Variants in PDE3A observed in about 807,000 individuals in gnomAD.
PDE3A encodes the protein phosphodiesterase 3A, also known as cGMP-inhibited 3',5'-cyclic phosphodiesterase 3A.
PDE3A carries 43 observed loss-of-function variants against 98.3 expected under a neutral mutation model. The ratio of observed to expected loss-of-function variants is 0.44; its 90% CI spans 0.34 to 0.56. The LOEUF is 0.56. Ranked by LOEUF, PDE3A falls within the 20% of genes least tolerant of loss-of-function variation. PDE3A has a pLI of 0.01. For synonymous variants in PDE3A, 663 were observed against 567.9 expected (o/e 1.17, Z -2.38); for missense variants, 1,427 against 1,440.7 (o/e 0.99, Z 0.15).
chr12:20,676,040 T>C (rs1333806595), intron 15 of PDE3A, among the ~76,000 whole-genome samples: 1 of 152,176 alleles, frequency 6.6e-6, no homozygotes, highest in East Asian at 1.9e-4. Context: ...ATAATTGTTA[T>C]GTATATCTTT....
rs1279867653 is a variant in PDE3A at position 20,369,991 on chromosome 12, G to A, written c.707G>A (p.Trp236Ter). 1 of 1,613,256 alleles carries A rather than the reference G, an allele frequency of 6.2e-7. No homozygotes were observed. The stretch of plus-strand genomic sequence containing the variant: ...TCCTTAGAGAGGTTCAAGGTCGCCT[G>A]GAGACCTTACCTGGCGTACCTGGCC... ...LISLERFKVA[W>*]RPYLAYLAGV... is the part of the protein sequence containing the mutation. Residue 236 changes from tryptophan to a stop codon, truncating the protein, a stop_gained, in exon 1 of 16, where the codon TGG becomes TAG. Transcript: ENST00000359062. LOFTEE classifies it high-confidence loss of function.
chr12:20,532,967 C>T (rs1464877596), intron 1 of PDE3A, among the ~76,000 whole-genome samples: 2 of 152,268 alleles, frequency 1.3e-5, no homozygotes, highest in East Asian at 1.9e-4. Flanking sequence ...TGAGCCACCG[C>T]GCCCGGCCAG....
intron 1 of PDE3A, among the ~76,000 whole-genome samples, chr12:20,424,583 A>G (rs1944574155): frequency 6.6e-6 from 1 of 152,182 alleles, no homozygotes; most frequent in Non-Finnish European, 1.5e-5. Flanking sequence ...ATGTAAAGCA[A>G]AACAAATATT....
chr12:20,512,262 A>C (rs1946241015), intron 1 of PDE3A, among the ~76,000 whole-genome samples: 1 of 152,044 alleles, frequency 6.6e-6, no homozygotes, highest in African/African-American at 2.4e-5. Flanking sequence ...GGGCTAGTGG[A>C]GGGGGCACAG....
chr12:20,601,869 A>C (rs964635640), intron 2 of PDE3A, among the ~76,000 whole-genome samples: 19 of 152,294 alleles, frequency 1.2e-4, no homozygotes, highest in African/African-American at 4.3e-4. Context: ...AAAAGGCAGA[A>C]TACTGCCATC....
intron 2 of PDE3A, among the ~76,000 whole-genome samples, chr12:20,585,582 G>A (rs1015376280): frequency 6.6e-6 from 1 of 152,084 alleles, no homozygotes; most frequent in African/African-American, 2.4e-5. Flanking sequence ...ACTTCTGTGA[G>A]TCTGAATCTC....
chr12:20,489,026 T>G (rs1945782355), intron 1 of PDE3A, among the ~76,000 whole-genome samples: 1 of 152,196 alleles, frequency 6.6e-6, no homozygotes, highest in Admixed American at 6.5e-5. Flanking sequence ...ATAATTCTTC[T>G]GGAATACATC....
chr12:20,531,550 G>A (rs565576117), intron 1 of PDE3A, among the ~76,000 whole-genome samples: 2 of 152,060 alleles, frequency 1.3e-5, no homozygotes, highest in Non-Finnish European at 2.9e-5. Flanking sequence ...GACGGTAGTT[G>A]TGATAAGACA....
At chr12:20,380,043 A>G (rs1943636558) in intron 1 of PDE3A, among the ~76,000 whole-genome samples, 2 of 151,846 alleles carry the variant, frequency 1.3e-5, no homozygotes, top group South Asian at 2.1e-4. Context: ...ATTGAGAGAG[A>G]ACAAACTCTG....
rs536844865 is a variant in PDE3A, at chr12:20,618,561, C to T, written c.1424+2177C>T. ...ACACTGGACTGAGAATCTGAAGGGT[C>T]TTGGCCCTACCAACCACTCAGAAAT... On this transcript the variant is annotated intron_variant, in intron 4 of 15. Transcript: ENST00000359062. Among the ~76,000 whole-genome samples, 12 of 152,148 alleles carry T rather than the reference C, an allele frequency of 7.9e-5. No individual in the cohort carries two copies. In the East Asian group the frequency reaches 2.1e-3, roughly 27 times the overall value.
intron 15 of PDE3A, among the ~76,000 whole-genome samples, chr12:20,672,872 T>C (rs1256695214): frequency 1.5e-5 from 2 of 137,240 alleles, no homozygotes; most frequent in African/African-American, 2.8e-5. Context: ...ACTAAAGAGC[T>C]TCTGCACAGC....
intron 1 of PDE3A, among the ~76,000 whole-genome samples, chr12:20,392,506 CATAA>C (rs549745332): frequency 8.6e-4 from 99 of 115,090 alleles, no homozygotes; most frequent in African/African-American, 2.3e-3. Flanking sequence ...GATCCTGTCT[CATAA>C]ATAAATAAAT....
At chr12:20,617,920 C>G (rs1422233841) in intron 4 of PDE3A, among the ~76,000 whole-genome samples, 1 of 151,966 alleles carries the variant, frequency 6.6e-6, no homozygotes, top group Non-Finnish European at 1.5e-5. Context: ...AACTTAACGC[C>G]CAAGGATCTT....
rs1276299119 is a variant in PDE3A, at chr12:20,686,431, C to G, written c.*6160C>G. Among the ~76,000 whole-genome samples, 14 of 152,162 alleles carry G rather than the reference C, an allele frequency of 9.2e-5. No individual in the cohort carries two copies. The highest frequency in any genetic ancestry group is 9.2e-4 in the Admixed American group (14 of 15,264). ...TAAACCTTACTAATCTTGACTTTCA[C>G]AGATGAAACACTGACCAGTCAATAA... On this transcript the variant is annotated 3_prime_UTR_variant, in exon 16 of 16. Coordinates refer to ENST00000359062, the MANE Select transcript of PDE3A (RefSeq NM_000921.5).
At chr12:20,561,791 A>C (rs2121286761) in intron 2 of PDE3A, among the ~76,000 whole-genome samples, 1 of 152,326 alleles carries the variant, frequency 6.6e-6, no homozygotes, top group East Asian at 1.9e-4. Context: ...ATTCATATCA[A>C]ATACTTGTCC....
chr12:20,477,538 C>T (rs896118313), intron 1 of PDE3A, among the ~76,000 whole-genome samples: 7 of 151,898 alleles, frequency 4.6e-5, no homozygotes, highest in Non-Finnish European at 7.4e-5. Flanking sequence ...ATGTTAAGGC[C>T]GTAAGTCAAA....
chr12:20,520,580 T>C (rs1358895235), intron 1 of PDE3A, among the ~76,000 whole-genome samples: 1 of 152,186 alleles, frequency 6.6e-6, no homozygotes, highest in Non-Finnish European at 1.5e-5. Context: ...GATTTTGCTA[T>C]ATTGTGTTTT....
chr12:20,668,183 G>C (rs1171908469), intron 15 of PDE3A, among the ~76,000 whole-genome samples: 2 of 152,198 alleles, frequency 1.3e-5, no homozygotes, highest in Non-Finnish European at 2.9e-5. Context: ...TCCCGCACCT[G>C]GCTTGGAGGG....
rs748989285 is a variant in PDE3A, at chr12:20,370,154, G to A, written c.870G>A (p.Arg290=). Residue 290 remains arginine, a synonymous_variant, in exon 1 of 16, where the codon AGG becomes AGA. Coordinates refer to ENST00000359062, the MANE Select transcript of PDE3A (RefSeq NM_000921.5). Reference sequence around the variant, plus strand: ...ATATCCCGGTGTTTAAGAGGAGGAGGCGGTCCAGCTCCGTCGTGTCCGCCG... The same window carrying A: ...ATATCCCGGTGTTTAAGAGGAGGAGACGGTCCAGCTCCGTCGTGTCCGCCG... ...KEDIPVFKRR[R]RSSSVVSAEM... 25 of 1,613,274 alleles carry A rather than the reference G, an allele frequency of 1.5e-5. No individual in the cohort carries two copies. Among genetic ancestry groups the A allele is most frequent in the East Asian group, 6.7e-5 (3 of 44,846 alleles).
Sources: allele counts gnomAD v4.1 joint callset (sites outside exome capture counted in the v4.1 genomes callset), GRCh38; gene constraint gnomAD v4.1.1; transcripts MANE v1.5; gene names NCBI Gene and HGNC (gene_info 2026-07-23, HGNC 2026-07-21).